Variants in QPCTL observed in about 807,000 individuals in gnomAD.
The protein encoded by QPCTL is glutaminyl-peptide cyclotransferase-like protein.
A neutral mutation model predicts 34.6 loss-of-function variants in QPCTL; 31 were observed. The ratio of observed to expected loss-of-function variants is 0.90; its 90% CI spans 0.67 to 1.21. The LOEUF (loss-of-function observed/expected upper bound fraction) is 1.21. QPCTL is among the 50% of genes most tolerant of loss of function. QPCTL has a pLI of 0.00. For missense variants in QPCTL, 474 were observed against 507.8 expected, an observed-to-expected ratio of 0.93 and a Z score of 0.64; for synonymous variants, 223 against 226.9, an observed-to-expected ratio of 0.98 and a Z score of 0.15.
rs780323630 is a variant in QPCTL, at chr19:45,692,786, G to A, written c.83G>A (p.Arg28His). The change falls in exon 1 of 7, where the codon CGC (arginine) becomes CAC (histidine). Residue 28 changes from arginine (R) to histidine (H), a missense_variant. Arg to His is a conservative substitution (Grantham distance 29). Coordinates refer to ENST00000012049, the MANE Select transcript of QPCTL (RefSeq NM_017659.4). ...LMEPLLPPKRRLLPRVRLLPL... is the reference protein window; with the variant it reads ...LMEPLLPPKRHLLPRVRLLPL... ...GAGCCACTCTTGCCGCCGAAGCGCCGCCTGCTACCGCGGGTTCGGCTCTTG... is the reference window on the plus strand; with the variant it reads ...GAGCCACTCTTGCCGCCGAAGCGCCACCTGCTACCGCGGGTTCGGCTCTTG... 3.2e-6 allele frequency: 5 copies of A among 1,585,358 alleles called. No individual in the cohort carries two copies. The South Asian group carries it at 3.4e-5, about 11-fold the overall frequency.
At chr19:45,698,167 T>C (rs1967735816) in intron 3 of QPCTL, among the ~76,000 whole-genome samples, 1 of 151,720 alleles carries the variant, frequency 6.6e-6, no homozygotes, top group Non-Finnish European at 1.5e-5. Flanking sequence ...CTCTTGAACC[T>C]GGGAGGTAGG....
chr19:45,695,818 A>G, intron 3 of QPCTL, 100 bp downstream of exon 3: 2 of 1,310,554 alleles, frequency 1.5e-6, no homozygotes, highest in South Asian at 1.5e-5. Flanking sequence ...TCGTCTTCCC[A>G]CTCTACTCCA....
intron 5 of QPCTL, among the ~76,000 whole-genome samples, chr19:45,700,856 G>C (rs1179791119): frequency 6.6e-6 from 1 of 151,860 alleles, no homozygotes; most frequent in Non-Finnish European, 1.5e-5. Context: ...CTACTCAGGA[G>C]GCTGAGGCAG....
At chr19:45,694,365 C>T (rs1342372211) in intron 2 of QPCTL, among the ~76,000 whole-genome samples, 2 of 151,728 alleles carry the variant, frequency 1.3e-5, no homozygotes, top group South Asian at 2.1e-4. Flanking sequence ...GGTGACAGAG[C>T]GAGACTCCAT....
At chr19:45,693,126 G>C (rs940747077) in intron 1 of QPCTL, among the ~76,000 whole-genome samples, 3 of 152,126 alleles carry the variant, frequency 2.0e-5, no homozygotes, top group South Asian at 2.1e-4. Context: ...AAGACGGGGG[G>C]GTTCAGGGTT....
chr19:45,697,452 A>G (rs1348013269), intron 3 of QPCTL, among the ~76,000 whole-genome samples: 1 of 151,834 alleles, frequency 6.6e-6, no homozygotes, highest in African/African-American at 2.4e-5. Flanking sequence ...AAGAAAAAAA[A>G]GAAAAGAAAA....
intron 6 of QPCTL, among the ~76,000 whole-genome samples, chr19:45,702,697 G>A (rs1967832805): frequency 6.6e-6 from 1 of 151,406 alleles, no homozygotes; most frequent in Non-Finnish European, 1.5e-5. Context: ...CTGGGAGGCA[G>A]AGGCTGCAGT....
chr19:45,699,049 T>C (rs1967762500), intron 5 of QPCTL, 149 bp downstream of exon 5: 1 of 623,680 alleles, frequency 1.6e-6, no homozygotes, highest in Non-Finnish European at 2.7e-6. Flanking sequence ...TTTTTTTTTT[T>C]TTGAGATGGA....
In QPCTL at chr19:45,693,993, A is replaced by G. The variant is rs115314140; in HGVS notation, c.351+437A>G. On this transcript the variant is annotated intron_variant, in intron 2 of 6. Coordinates refer to ENST00000012049, the MANE Select transcript of QPCTL (RefSeq NM_017659.4). ...AGCCTAGTCAACCTAGTGAGACCCA[A>G]TGTTTAGAAAATCATAGACCTAGAG... Among the ~76,000 whole-genome samples the G allele has an allele frequency of 2.8e-3, 432 of 152,296 alleles. 3 individuals carry two copies. The highest frequency in any genetic ancestry group is 9.9e-3 in the African/African-American group (410 of 41,566).
At chr19:45,696,146 C>T (rs941939619) in intron 3 of QPCTL, among the ~76,000 whole-genome samples, 3 of 151,998 alleles carry the variant, frequency 2.0e-5, no homozygotes, top group Non-Finnish European at 4.4e-5. Flanking sequence ...TATTGGCCCA[C>T]GAGCTGTGCC....
At position 45,703,207 on chromosome 19, in the gene QPCTL, T is replaced by C; in HGVS notation, c.*158T>C. 1.0e-6 allele frequency: 1 copy of C among 997,244 alleles called. No individual in the cohort carries two copies. Among genetic ancestry groups the C allele is most frequent in the Non-Finnish European group, 1.5e-6 (1 of 687,416 alleles). 61.8% of individuals were successfully genotyped at this position (997,244 alleles called of 1,614,324 possible). A position where few individuals can be genotyped will look rare whatever the true frequency, so the allele number is the denominator to read the frequency against. On this transcript the variant is annotated 3_prime_UTR_variant, in exon 7 of 7. Coordinates refer to ENST00000012049, the MANE Select transcript of QPCTL (RefSeq NM_017659.4). ...AATTGGAAGACCTTCTTTCTTTTGA[T>C]TGTCTCAAGCTGCCACCCTTCAAGG...
intron 3 of QPCTL, among the ~76,000 whole-genome samples, chr19:45,695,994 A>G (rs1307293929): frequency 2.0e-5 from 3 of 152,026 alleles, no homozygotes; most frequent in Non-Finnish European, 1.5e-5. Context: ...TCGGCCTCTC[A>G]AAGTGCTGGG....
chr19:45,692,853 C>T lies in QPCTL; in HGVS notation c.150C>T (p.Thr50=), dbSNP rs369185766. Residue 50 remains threonine (T), a synonymous_variant, in exon 1 of 7, where the codon ACC becomes ACT. Coordinates refer to ENST00000012049, the MANE Select transcript of QPCTL (RefSeq NM_017659.4). ...TGGCCGTGGGCTCGGCGTTCTACAC[C>T]ATTTGGAGCGGCTGGCACCGCAGGA... ...LALAVGSAFY[T]IWSGWHRRTE... is the part of the protein sequence containing the mutation. 171 of 1,559,650 alleles carry T rather than the reference C, an allele frequency of 1.1e-4. No homozygotes were observed. In the African/African-American group the frequency reaches 2.0e-3, roughly 19 times the overall value.
intron 5 of QPCTL, among the ~76,000 whole-genome samples, chr19:45,700,090 A>G (rs1967781157): frequency 6.6e-6 from 1 of 151,228 alleles, no homozygotes; most frequent in Non-Finnish European, 1.5e-5. Flanking sequence ...ACAGAGTGAG[A>G]CTCTGTCTCA....
rs4803848 is a variant in QPCTL at position 45,701,792 on chromosome 19, T to C, written c.887-6T>C. On this transcript the variant is annotated splice_polypyrimidine_tract_variant and splice_region_variant and intron_variant, in intron 5 of 6. Coordinates refer to ENST00000012049, the MANE Select transcript of QPCTL (RefSeq NM_017659.4). ...ACCCTTCCTCTCTAATCGCCCCCACTTCCAGAGAAGCGTCTGCACCGTTTG... is the reference window on the plus strand; with the variant it reads ...ACCCTTCCTCTCTAATCGCCCCCACCTCCAGAGAAGCGTCTGCACCGTTTG... 1,073,732 of 1,605,130 alleles carry C rather than the reference T, an allele frequency of 0.67. 363,513 individuals are homozygous for C. Among genetic ancestry groups the C allele is most frequent in the African/African-American group, 0.92 (68,690 of 74,662 alleles).
chr19:45,701,671 TG>T, intron 5 of QPCTL, 126 bp from the exon 6 acceptor site: 1 of 681,016 alleles, frequency 1.5e-6, no homozygotes, highest in Non-Finnish European at 2.6e-6. Context: ...AAGGAGTAAC[TG>T]GCATTCACTC....
At chr19:45,701,077 C>G (rs867344803) in intron 5 of QPCTL, among the ~76,000 whole-genome samples, 2 of 151,562 alleles carry the variant, frequency 1.3e-5, no homozygotes, top group Middle Eastern at 3.4e-3. Context: ...GAGGCCAGCC[C>G]GGGCAACACA....
In QPCTL at chr19:45,702,754, ACT is replaced by A. The variant is rs1967833750; in HGVS notation, c.1004-147_1004-146del. The A allele has an allele frequency of 4.5e-6, 4 of 893,898 alleles. No homozygotes were observed. The South Asian group carries it at 6.5e-5, about 14-fold the overall frequency. The allele number at this position is 893,898 out of a possible 1,614,324, so 55.4% of individuals were successfully genotyped here. A position where few individuals can be genotyped will look rare whatever the true frequency, so the allele number is the denominator to read the frequency against. On this transcript the variant is annotated intron_variant, in intron 6 of 6. Transcript: ENST00000012049. ...ACTCCAGCCTGGGCGACAGAGTGAG[ACT>A]CTGTCTCAAAAAAAAAAAAAAAGTG...
At chr19:45,698,479 G>C in intron 3 of QPCTL, 68 bp from the exon 4 acceptor site, 1 of 1,582,538 alleles carries the variant, frequency 6.3e-7, no homozygotes, top group South Asian at 1.1e-5. Flanking sequence ...CGGGCAAGAA[G>C]TGTGGGTATG....
Sources: allele counts gnomAD v4.1 joint callset (sites outside exome capture counted in the v4.1 genomes callset), GRCh38; gene constraint gnomAD v4.1.1; transcripts MANE v1.5; gene names NCBI Gene and HGNC (gene_info 2026-07-23, HGNC 2026-07-21).